The following ADGRB1 variants were observed in gnomAD, a reference collection of about 807,000 sequenced individuals.
ADGRB1 encodes the protein brain-specific angiogenesis inhibitor 1.
In ADGRB1, 36 loss-of-function variants were observed where a neutral mutation model predicts 175.7. That is an observed-to-expected ratio of 0.20 (90% CI 0.16 to 0.27). The LOEUF (loss-of-function observed/expected upper bound fraction) is 0.27, where lower values mean the gene tolerates loss of function less well. Among genes scored for constraint, ADGRB1 ranks in the 10% least tolerant of loss-of-function variants. The probability of loss-of-function intolerance (pLI) is 1.00; values close to 1 mark genes in which losing one functional copy is unlikely to be tolerated. For synonymous variants in ADGRB1, 1,054 were observed against 979.4 expected, an observed-to-expected ratio of 1.08 and a Z score of -1.42; for missense variants, 1,731 against 2,255.3, an observed-to-expected ratio of 0.77 and a Z score of 4.71.
intron 2 of ADGRB1, among the ~76,000 whole-genome samples, chr8:142,473,766 C>T (rs1277916226): frequency 1.3e-5 from 2 of 152,210 alleles, no homozygotes; most frequent in African/African-American, 2.4e-5. Flanking sequence ...TCCTCCCACC[C>T]TATGGACCCC....
intron 18 of ADGRB1, among the ~76,000 whole-genome samples, chr8:142,515,444 C>T (rs796984916): frequency 7.2e-5 from 11 of 151,772 alleles, no homozygotes; most frequent in African/African-American, 2.4e-4. Flanking sequence ...ATCAGGTGGA[C>T]CAGTGGGAGA....
rs538968830 is a variant in ADGRB1 at position 142,484,770 on chromosome 8, C to T, written c.2308+6C>T. ...CCAGGTGACAGACAACCTGGGTAAGCCTGCCCGCCTGCTGCCACCCCCCAT... is the reference window on the plus strand; with the variant it reads ...CCAGGTGACAGACAACCTGGGTAAGTCTGCCCGCCTGCTGCCACCCCCCAT... On this transcript the variant is annotated splice_donor_region_variant and intron_variant, in intron 13 of 30. Transcript: ENST00000517894. 136 of 1,578,502 alleles carry T rather than the reference C, an allele frequency of 8.6e-5. 1 individual carries two copies. The East Asian group carries it at 2.7e-3, about 31-fold the overall frequency.
intron 17 of ADGRB1, among the ~76,000 whole-genome samples, chr8:142,508,349 G>A (rs1842935689): frequency 6.6e-6 from 1 of 152,158 alleles, no homozygotes; most frequent in African/African-American, 2.4e-5. Flanking sequence ...ATGGACACAG[G>A]TGGTGAGTGG....
intron 11 of ADGRB1, among the ~76,000 whole-genome samples, chr8:142,482,583 C>T (rs1841418356): frequency 1.3e-5 from 2 of 151,104 alleles, no homozygotes; most frequent in South Asian, 4.2e-4. Context: ...TGGTCACACA[C>T]TGAGCCCTGA....
chr8:142,538,282 G>T (rs570353312), intron 26 of ADGRB1, among the ~76,000 whole-genome samples: 27 of 152,336 alleles, frequency 1.8e-4, no homozygotes, highest in African/African-American at 6.3e-4. Context: ...CACAGTGGTT[G>T]TGAAGCTCAC....
At chr8:142,481,131 TG>T in intron 9 of ADGRB1, 122 bp from the exon 10 acceptor site, 1 of 845,012 alleles carries the variant, frequency 1.2e-6, no homozygotes, top group Non-Finnish European at 2.0e-6. Context: ...CGTGAGGCCA[TG>T]GGCGAGTCCC....
intron 25 of ADGRB1, among the ~76,000 whole-genome samples, chr8:142,534,043 G>T (rs1487638122): frequency 1.3e-5 from 2 of 152,212 alleles, no homozygotes; most frequent in African/African-American, 4.8e-5. Context: ...CCCCTTCCTG[G>T]GTCCCCCTGG....
At chr8:142,498,684 C>T (rs1842340579) in intron 17 of ADGRB1, among the ~76,000 whole-genome samples, 2 of 152,118 alleles carry the variant, frequency 1.3e-5, no homozygotes, top group Non-Finnish European at 2.9e-5. Flanking sequence ...AGACCACCAG[C>T]CACCAGCAAG....
intron 18 of ADGRB1, among the ~76,000 whole-genome samples, chr8:142,515,360 C>T (rs1261587438): frequency 6.6e-6 from 1 of 152,232 alleles, no homozygotes; most frequent in East Asian, 1.9e-4. Context: ...ACCGCCCATC[C>T]CTTCTTCATC....
chr8:142,527,334 G>A (rs1402011142), intron 24 of ADGRB1, among the ~76,000 whole-genome samples: 3 of 152,196 alleles, frequency 2.0e-5, no homozygotes, highest in African/African-American at 4.8e-5. Context: ...CCTGGCTGGT[G>A]TCTGCGTGGG....
At chr8:142,463,471 G>C (rs1341014349) in intron 1 of ADGRB1, among the ~76,000 whole-genome samples, 1 of 152,244 alleles carries the variant, frequency 6.6e-6, no homozygotes, top group East Asian at 1.9e-4. Context: ...CCTGTGCTCC[G>C]GGCCCACTTC....
Position 142,533,384 on chromosome 8 carries a change from C to T in ADGRB1, c.3488C>T (p.Ala1163Val), listed in dbSNP as rs1232040110. 3.1e-6 allele frequency: 5 copies of T among 1,611,650 alleles called. No homozygotes were observed. The highest frequency in any genetic ancestry group is 4.2e-6 in the Non-Finnish European group (5 of 1,179,358). Reference sequence around the variant, plus strand: ...CTCGCCGTCACCGACCGCCGCTCCGCCCTCTTCCAGATCCTCTTCGCTGTC... The same window carrying T: ...CTCGCCGTCACCGACCGCCGCTCCGTCCTCTTCCAGATCCTCTTCGCTGTC... ...AVLAVTDRRS[A>V]LFQILFAVFD... is the part of the protein sequence containing the mutation. Residue 1163 changes from alanine to valine, a missense_variant, in exon 25 of 31, where the codon GCC becomes GTC. Physicochemically the swap from Ala to Val is moderately conservative, Grantham distance 64. Transcript: ENST00000517894.
intron 18 of ADGRB1, among the ~76,000 whole-genome samples, chr8:142,514,809 G>A (rs1172389235): frequency 6.6e-6 from 1 of 152,130 alleles, no homozygotes; most frequent in African/African-American, 2.4e-5. Context: ...CAGGGGACAG[G>A]GTGTGATGGG....
chr8:142,488,185 G>A (rs1049887797), intron 13 of ADGRB1, among the ~76,000 whole-genome samples, 179 bp from the exon 14 acceptor site: 2 of 152,188 alleles, frequency 1.3e-5, no homozygotes, highest in African/African-American at 4.8e-5. Context: ...GGACCTCACC[G>A]AGGTTCTGGG....
chr8:142,487,774 C>CCCA (rs1841750129), intron 13 of ADGRB1, among the ~76,000 whole-genome samples: 1 of 152,214 alleles, frequency 6.6e-6, no homozygotes, highest in African/African-American at 2.4e-5. Flanking sequence ...CCACCCTGAG[C>CCCA]TCAGGGCCCT....
At position 142,537,263 on chromosome 8, in the gene ADGRB1, G is replaced by A. The variant is rs1418916808; in HGVS notation, c.3666+181G>A. Among the ~76,000 whole-genome samples the A allele has an allele frequency of 6.6e-6, 1 of 152,218 alleles. No homozygotes were observed. The highest frequency in any genetic ancestry group is 3.4e-3 in the Middle Eastern group (1 of 294). ...CGCCAAGTGGAACCCCTGGTCCGGG[G>A]TTTCCAGCTGGGAAGGCCTGAGCTG... On this transcript the variant is annotated intron_variant, in intron 26 of 30. Coordinates refer to ENST00000517894, the MANE Select transcript of ADGRB1 (RefSeq NM_001702.3). This position sits in a 1 kb window ranked among gnomAD's most constrained non-coding sequence, Gnocchi z 4.6.
chr8:142,507,551 C>T (rs572217217), intron 17 of ADGRB1, among the ~76,000 whole-genome samples: 1 of 152,248 alleles, frequency 6.6e-6, no homozygotes, highest in East Asian at 1.9e-4. Flanking sequence ...AACGACTCAG[C>T]ACCCACAGCA....
intron 5 of ADGRB1, 38 bp downstream of exon 5, chr8:142,477,316 G>A (rs776829997): frequency 2.5e-6 from 4 of 1,583,014 alleles, no homozygotes; most frequent in Non-Finnish European, 3.4e-6. Context: ...GGACAGCCAG[G>A]GCAGCGGGGG....
rs1842765780 is a variant in ADGRB1 at position 142,504,531 on chromosome 8, A to G, written c.2676-6401A>G. Among the ~76,000 whole-genome samples the G allele has an allele frequency of 6.6e-6, 1 of 152,068 alleles. No individual in the cohort carries two copies. The highest frequency in any genetic ancestry group is 1.5e-5 in the Non-Finnish European group (1 of 67,968). ...GAACACAGGGAGGGGAGCCCAGCAC[A>G]GCGGTGGGGAAGGGTCTGGCTGAGG... On this transcript the variant is annotated intron_variant, in intron 17 of 30. Transcript: ENST00000517894. This position sits in a 1 kb window ranked among gnomAD's most constrained non-coding sequence, Gnocchi z 5.6.
Sources: allele counts gnomAD v4.1 joint callset (sites outside exome capture counted in the v4.1 genomes callset), GRCh38; gene constraint gnomAD v4.1.1; non-coding constraint Gnocchi (gnomAD v3.1); transcripts MANE v1.5; gene names NCBI Gene and HGNC (gene_info 2026-07-23, HGNC 2026-07-21).